The following MACROD2 variants were observed in gnomAD, a reference collection of about 807,000 sequenced individuals.
MACROD2 encodes the protein ADP-ribose glycohydrolase MACROD2.
In MACROD2, 36 loss-of-function variants were observed where a neutral mutation model predicts 70.4. The observed-to-expected ratio is 0.51, with a 90% confidence interval of 0.39 to 0.68. The LOEUF (loss-of-function observed/expected upper bound fraction) is 0.68, where lower values mean the gene tolerates loss of function less well. MACROD2 is among the 30% of genes least tolerant of loss of function. The probability of loss-of-function intolerance (pLI) is 0.00; values close to 1 mark genes in which losing one functional copy is unlikely to be tolerated. For missense variants in MACROD2, 496 were observed against 538.4 expected (o/e 0.92, Z 0.78); for synonymous variants, 172 against 178.8 (o/e 0.96, Z 0.30).
intron 15 of MACROD2, among the ~76,000 whole-genome samples, chr20:16,027,993 G>A (rs880170): frequency 0.1 from 15,332 of 152,160 alleles, 762 homozygotes; most frequent in East Asian, 0.14. Flanking sequence ...ATTGAGGCCT[G>A]GAAAAGGGAA....
At chr20:14,188,184 A>T (rs2081359670) in intron 3 of MACROD2, among the ~76,000 whole-genome samples, 1 of 152,184 alleles carries the variant, frequency 6.6e-6, no homozygotes, top group South Asian at 2.1e-4. Context: ...TATGTTAAAA[A>T]TTCAAATTTC....
At chr20:15,535,281 T>C (rs1335763258) in intron 8 of MACROD2, among the ~76,000 whole-genome samples, 1 of 152,038 alleles carries the variant, frequency 6.6e-6, no homozygotes, top group East Asian at 1.9e-4. Context: ...TGGCCAAATA[T>C]TGTATATAAT....
chr20:14,761,182 A>G (rs1194216936), intron 5 of MACROD2, among the ~76,000 whole-genome samples: 3 of 151,970 alleles, frequency 2.0e-5, no homozygotes, highest in Non-Finnish European at 4.4e-5. Context: ...GTCTGTTTTC[A>G]TCTTTGACAT....
chr20:15,833,323 G>A (rs995739281), intron 8 of MACROD2, among the ~76,000 whole-genome samples: 6 of 152,084 alleles, frequency 3.9e-5, no homozygotes, highest in African/African-American at 7.2e-5. Context: ...CCCACACTTC[G>A]ACTTCTTTCT....
intron 4 of MACROD2, among the ~76,000 whole-genome samples, chr20:14,504,387 T>C (rs987631787): frequency 3.3e-5 from 5 of 152,216 alleles, no homozygotes; most frequent in Admixed American, 3.3e-4. Context: ...GAATAAAATA[T>C]TGGGCAGACC....
chr20:14,939,070 G>A (rs1285898914), intron 5 of MACROD2, among the ~76,000 whole-genome samples: 1 of 151,254 alleles, frequency 6.6e-6, no homozygotes, highest in Non-Finnish European at 1.5e-5. Context: ...TCTCTTTGGG[G>A]TTGTTTCCTT....
At chr20:14,149,196 T>C (rs553169719) in intron 3 of MACROD2, among the ~76,000 whole-genome samples, 2 of 151,742 alleles carry the variant, frequency 1.3e-5, no homozygotes, top group Non-Finnish European at 2.9e-5. Context: ...CCCAATGTTT[T>C]TTTTTTTTTG....
chr20:14,515,465 G>GCGCGCGCGCGCGCACACA (rs1369248292), intron 4 of MACROD2, among the ~76,000 whole-genome samples: 2 of 127,066 alleles, frequency 1.6e-5, no homozygotes, highest in Admixed American at 7.6e-5. Context: ...ACACACACAC[G>GCGCGCGCGCGCGCACACA]CACACACACA....
intron 3 of MACROD2, among the ~76,000 whole-genome samples, chr20:14,430,565 A>G (rs972615897): frequency 4.5e-5 from 5 of 110,136 alleles, no homozygotes; most frequent in Admixed American, 8.5e-5. Flanking sequence ...AACAGAAAAC[A>G]CAGAGGACGA....
Position 15,865,052 on chromosome 20 carries a change from A to G in MACROD2, c.727+2226A>G, listed in dbSNP as rs185911473. On this transcript the variant is annotated intron_variant, in intron 9 of 17. Coordinates refer to ENST00000684519, the MANE Select transcript of MACROD2 (RefSeq NM_001351661.2). ...TAGGATACGTTTCTTCCTACTTGCC[A>G]TGTATTTCCCTATAGTGCATTATTA... Among the ~76,000 whole-genome samples the G allele has an allele frequency of 3.2e-3, 492 of 152,256 alleles. 10 individuals carry two copies. Among genetic ancestry groups the G allele is most frequent in the Non-Finnish European group, 1.8e-3 (121 of 67,992 alleles).
At chr20:14,197,145 G>GA (rs1369765631) in intron 3 of MACROD2, among the ~76,000 whole-genome samples, 1 of 152,188 alleles carries the variant, frequency 6.6e-6, no homozygotes, top group African/African-American at 2.4e-5. Flanking sequence ...TTTGGCATTT[G>GA]AAATGCATAA....
Position 14,873,749 on chromosome 20 carries a change from C to T in MACROD2, c.418+188790C>T, listed in dbSNP as rs1221343463. ...TGGCGGGCCTCTCTAATCCCAGCTA[C>T]TCAGGAGGCTGATGCAGGAGAATCG... On this transcript the variant is annotated intron_variant, in intron 5 of 17. Transcript: ENST00000684519. Among the ~76,000 whole-genome samples, 4 of 152,122 alleles carry T rather than the reference C, an allele frequency of 2.6e-5. No homozygotes were observed. In the East Asian group the frequency reaches 7.8e-4, roughly 30 times the overall value.
chr20:14,745,708 G>T (rs1008318223), intron 5 of MACROD2, among the ~76,000 whole-genome samples: 2 of 152,092 alleles, frequency 1.3e-5, no homozygotes, highest in Non-Finnish European at 2.9e-5. Flanking sequence ...GCCTCTCATT[G>T]TATGTACCAG....
At position 14,057,771 on chromosome 20, in the gene MACROD2, C is replaced by G. The variant is rs117300663; in HGVS notation, c.164-27850C>G. Among the ~76,000 whole-genome samples the G allele has an allele frequency of 6.0e-4, 92 of 152,144 alleles. 2 individuals carry two copies. In the East Asian group the frequency reaches 0.017, roughly 27 times the overall value. ...AGCCGAAACCTGGAAACAAAAATGG[C>G]CATCAGCAGTAAAATGGGTAAACAG... On this transcript the variant is annotated intron_variant, in intron 2 of 17. Coordinates refer to ENST00000684519, the MANE Select transcript of MACROD2 (RefSeq NM_001351661.2).
intron 5 of MACROD2, among the ~76,000 whole-genome samples, chr20:15,037,633 C>G (rs2075323460): frequency 6.6e-6 from 1 of 152,000 alleles, no homozygotes; most frequent in Admixed American, 6.6e-5. Context: ...TACTTTCTCT[C>G]TCTTTAACAC....
chr20:14,695,262 T>C (rs2071110264), intron 5 of MACROD2, among the ~76,000 whole-genome samples: 1 of 152,158 alleles, frequency 6.6e-6, no homozygotes, highest in South Asian at 2.1e-4. Flanking sequence ...CTCAGGTGTT[T>C]CTTGGCTTGT....
intron 10 of MACROD2, among the ~76,000 whole-genome samples, chr20:15,899,370 C>T (rs1328178413): frequency 6.6e-6 from 1 of 151,784 alleles, no homozygotes; most frequent in African/African-American, 2.4e-5. Context: ...AATACATAGC[C>T]TGGAAAGATA....
intron 15 of MACROD2, among the ~76,000 whole-genome samples, chr20:16,015,180 T>C (rs991740302): frequency 5.3e-5 from 8 of 152,254 alleles, no homozygotes; most frequent in Non-Finnish European, 1.5e-5. Flanking sequence ...TGTTATAAAG[T>C]AACTTACTGT....
chr20:16,007,156 A>G (rs2066800194), intron 15 of MACROD2, among the ~76,000 whole-genome samples: 1 of 152,262 alleles, frequency 6.6e-6, no homozygotes, highest in Non-Finnish European at 1.5e-5. Context: ...AAATTGGCTT[A>G]CAAAAAGATA....
Sources: gnomAD v4.1 joint callset for allele counts (sites outside exome capture counted in the v4.1 genomes callset) on GRCh38, gnomAD v4.1.1 for gene constraint, MANE v1.5 for transcripts, NCBI Gene and HGNC (gene_info 2026-07-23, HGNC 2026-07-21) for gene names.